SLMAP: variants seen among roughly 807,000 people sequenced by gnomAD.
The protein encoded by SLMAP is sarcolemmal membrane-associated protein.
Under a neutral mutation model 128.8 loss-of-function variants are expected in SLMAP, and 44 were observed. That is an observed-to-expected ratio of 0.34 (90% CI 0.27 to 0.44). The LOEUF is 0.44. Among genes scored for constraint, SLMAP ranks in the 20% least tolerant of loss-of-function variants. SLMAP has a pLI of 1.00. For synonymous variants in SLMAP, 327 were observed against 348.8 expected (o/e 0.94, Z 0.70); for missense variants, 787 against 985.3 (o/e 0.80, Z 2.69).
At chr3:57,889,957 G>T in intron 14 of SLMAP, 84 bp from the exon 15 acceptor site, 1 of 875,452 alleles carries the variant, frequency 1.1e-6, no homozygotes, top group Non-Finnish European at 1.9e-6. Context: ...CTTTAAATTT[G>T]GTCATGGAAT....
At chr3:57,836,253 A>C (rs534286272) in intron 3 of SLMAP, among the ~76,000 whole-genome samples, 23 of 152,226 alleles carry the variant, frequency 1.5e-4, no homozygotes, top group Middle Eastern at 3.4e-3. Context: ...AGAGGGAGCC[A>C]AATTAAAAGG....
At chr3:57,824,694 CTT>C (rs1372975303) in intron 2 of SLMAP, among the ~76,000 whole-genome samples, 1 of 152,194 alleles carries the variant, frequency 6.6e-6, no homozygotes, top group Non-Finnish European at 1.5e-5. Flanking sequence ...CATCTTCCAA[CTT>C]TGTTCTTCTT....
intron 2 of SLMAP, among the ~76,000 whole-genome samples, chr3:57,825,844 A>G (rs1043377588): frequency 5.3e-5 from 8 of 152,202 alleles, no homozygotes; most frequent in African/African-American, 1.9e-4. Context: ...GACTAGGGTA[A>G]GTAATGCCAC....
rs181055033 is a variant in SLMAP at position 57,849,303 on chromosome 3, A to G, written c.457-451A>G. 2.2e-3 allele frequency among the ~76,000 whole-genome samples: 333 copies of G among 152,322 alleles called. 1 individual carries two copies. Among genetic ancestry groups the G allele is most frequent in the African/African-American group, 7.8e-3 (323 of 41,570 alleles). On this transcript the variant is annotated intron_variant, in intron 5 of 24. Coordinates refer to ENST00000671191, the MANE Select transcript of SLMAP (RefSeq NM_001377540.1). ...CTCTTGAGTTCTAAATAGTTTGACT[A>G]TGACTTACAGTGTTTAAACACCATT...
At chr3:57,808,004 T>C (rs2090219265) in intron 2 of SLMAP, among the ~76,000 whole-genome samples, 1 of 152,094 alleles carries the variant, frequency 6.6e-6, no homozygotes, top group Non-Finnish European at 1.5e-5. Context: ...CTTGGGAGGG[T>C]GTATGTGTCC....
chr3:57,772,944 A>G (rs1240335848), intron 2 of SLMAP, among the ~76,000 whole-genome samples: 1 of 152,118 alleles, frequency 6.6e-6, no homozygotes, highest in Non-Finnish European at 1.5e-5. Context: ...CCAGCCTACC[A>G]TCATGTTTCT....
chr3:57,807,606 A>G (rs2090141438), intron 2 of SLMAP, among the ~76,000 whole-genome samples: 1 of 152,176 alleles, frequency 6.6e-6, no homozygotes, highest in Non-Finnish European at 1.5e-5. Flanking sequence ...TGATTTGCAT[A>G]TGTTGAACCA....
intron 13 of SLMAP, among the ~76,000 whole-genome samples, chr3:57,866,135 TGTG>T (rs1381417127): frequency 6.6e-6 from 1 of 152,034 alleles, no homozygotes; most frequent in Non-Finnish European, 1.5e-5. Flanking sequence ...AGCCAGGCAT[TGTG>T]GTGTGCGCCT....
At chr3:57,766,132 G>A (rs1044032635) in intron 2 of SLMAP, among the ~76,000 whole-genome samples, 1 of 144,708 alleles carries the variant, frequency 6.9e-6, no homozygotes, top group Non-Finnish European at 1.5e-5. Context: ...CTGAGTAGCT[G>A]GGACTACAGG....
At chr3:57,799,054 C>T (rs1011113455) in intron 2 of SLMAP, among the ~76,000 whole-genome samples, 9 of 152,136 alleles carry the variant, frequency 5.9e-5, no homozygotes, top group Non-Finnish European at 7.3e-5. Flanking sequence ...GATGTAGCTG[C>T]AGAAGCAGCC....
intron 5 of SLMAP, among the ~76,000 whole-genome samples, chr3:57,848,693 C>T: frequency 7.1e-6 from 1 of 140,292 alleles, no homozygotes; most frequent in Admixed American, 7.8e-5. Context: ...CTTCTTCTTT[C>T]TTCCTCCTCC....
chr3:57,880,086 T>C (rs1432282069), intron 14 of SLMAP, among the ~76,000 whole-genome samples: 1 of 152,210 alleles, frequency 6.6e-6, no homozygotes, highest in Non-Finnish European at 1.5e-5. Flanking sequence ...TATTCCTGAC[T>C]TGGGCTGCAG....
chr3:57,861,917 C>A, intron 9 of SLMAP, 32 bp from the exon 10 acceptor site: 1 of 1,575,862 alleles, frequency 6.3e-7, no homozygotes, highest in Non-Finnish European at 8.7e-7. Context: ...TACACTTATT[C>A]TAATTAAATT....
chr3:57,892,535 A>G (rs1399209821), intron 15 of SLMAP, among the ~76,000 whole-genome samples: 1 of 152,164 alleles, frequency 6.6e-6, no homozygotes, highest in Middle Eastern at 3.2e-3. Context: ...TGAGATTGAC[A>G]AAATGTGAGC....
chr3:57,849,617 T>G, intron 5 of SLMAP, 137 bp from the exon 6 acceptor site: 1 of 576,334 alleles, frequency 1.7e-6, no homozygotes, highest in Non-Finnish European at 3.1e-6. Flanking sequence ...AAGGCTATAT[T>G]GCCTTTGTGC....
intron 3 of SLMAP, among the ~76,000 whole-genome samples, chr3:57,835,727 A>G (rs932605068): frequency 2.6e-5 from 4 of 152,228 alleles, no homozygotes; most frequent in Non-Finnish European, 4.4e-5. Context: ...TAAGTAAAAT[A>G]GAATAAAAAA....
Position 57,871,712 on chromosome 3 carries a change from A to G in SLMAP, c.1300+14A>G, listed in dbSNP as rs111294347. On this transcript the variant is annotated intron_variant, in intron 14 of 24. Transcript: ENST00000671191. The stretch of plus-strand genomic sequence containing the variant: ...TAGAATGCCAGAGTGAGTACAGAGT[A>G]TTTTTCACATTGATTTTAATGAAGT... 0.046 allele frequency: 72,532 copies of G among 1,586,108 alleles called. 2,043 individuals carry two copies. Among genetic ancestry groups the G allele is most frequent in the Non-Finnish European group, 0.056 (64,364 of 1,156,096 alleles).
chr3:57,822,152 C>CT (rs2092577902), intron 2 of SLMAP, among the ~76,000 whole-genome samples: 1 of 152,062 alleles, frequency 6.6e-6, no homozygotes, highest in South Asian at 2.1e-4. Flanking sequence ...ATGTTACAGA[C>CT]TAAGTGATTT....
At chr3:57,811,064 A>C (rs1273885685) in intron 2 of SLMAP, among the ~76,000 whole-genome samples, 1 of 152,220 alleles carries the variant, frequency 6.6e-6, no homozygotes, top group African/African-American at 2.4e-5. Context: ...CCTTTAAAAA[A>C]ATTTTTATTG....
Sources: allele counts gnomAD v4.1 joint callset (sites outside exome capture counted in the v4.1 genomes callset), GRCh38; gene constraint gnomAD v4.1.1; transcripts MANE v1.5; gene names NCBI Gene and HGNC (gene_info 2026-07-23, HGNC 2026-07-21).